Variants in PHF24 observed in about 807,000 individuals in gnomAD.
PHF24 encodes the protein Galpha inhibitory interacting protein.
In PHF24, 25 loss-of-function variants were observed where a neutral mutation model predicts 42.6. The observed-to-expected ratio is 0.59, with a 90% CI of 0.43 to 0.82. The LOEUF is 0.82. Ranked by LOEUF, PHF24 falls within the 40% of genes least tolerant of loss-of-function variation. PHF24 has a pLI of 0.00. For missense variants in PHF24, 470 were observed against 538.1 expected, an observed-to-expected ratio of 0.87 and a Z score of 1.25; for synonymous variants, 185 against 204.8, an observed-to-expected ratio of 0.90 and a Z score of 0.83.
the PHF24 span, among the ~76,000 whole-genome samples, chr9:34,884,803 G>A: frequency 9.4e-3 from 1,435 of 152,300 alleles, 16 homozygotes; most frequent in Non-Finnish European, 0.014. Flanking sequence ...AACAAAACAA[G>A]GTGATGCTTC....
chr9:34,835,233 G>T, the PHF24 span: 1 of 1,552,234 alleles, frequency 6.4e-7, no homozygotes, highest in African/African-American at 1.4e-5. Context: ...CAGGTCTGGA[G>T]GGAAATGGTC....
the PHF24 span, among the ~76,000 whole-genome samples, chr9:34,789,658 T>G: frequency 6.6e-6 from 1 of 152,230 alleles, no homozygotes; most frequent in Admixed American, 6.5e-5. Context: ...GACTCTGTTA[T>G]TGCATGCTGG....
chr9:34,837,161 T>G, the PHF24 span: 5 of 470,552 alleles, frequency 1.1e-5, no homozygotes, highest in Admixed American at 1.2e-4. Flanking sequence ...TAGTAGACAG[T>G]GGCATGGTAG....
At chr9:34,696,636 TG>T in the PHF24 span, among the ~76,000 whole-genome samples, 1 of 152,154 alleles carries the variant, frequency 6.6e-6, no homozygotes, top group Admixed American at 6.5e-5. Context: ...TGAGTGATGA[TG>T]CCCTTATCCT....
the PHF24 span, among the ~76,000 whole-genome samples, chr9:34,765,820 A>T: frequency 2.6e-5 from 4 of 151,948 alleles, no homozygotes; most frequent in African/African-American, 7.2e-5. Context: ...ATTTGGCATG[A>T]TTTTGCAGTG....
chr9:34,716,961 G>A, the PHF24 span, among the ~76,000 whole-genome samples: 9 of 152,234 alleles, frequency 5.9e-5, no homozygotes, highest in East Asian at 1.4e-3. Context: ...TCTGCATAAC[G>A]TGTGGTATTG....
At chr9:34,936,617 A>C in the PHF24 span, among the ~76,000 whole-genome samples, 7 of 146,676 alleles carry the variant, frequency 4.8e-5, no homozygotes, top group Non-Finnish European at 8.9e-5. Flanking sequence ...CCCATCTAGG[A>C]AGTGAGGAGC....
chr9:34,713,784 C>T, the PHF24 span, among the ~76,000 whole-genome samples: 6 of 152,242 alleles, frequency 3.9e-5, no homozygotes, highest in Admixed American at 2.0e-4. Context: ...GTAATCCTCA[C>T]GTCAGAGCTG....
chr9:34,827,127 A>G, the PHF24 span, among the ~76,000 whole-genome samples: 3 of 152,150 alleles, frequency 2.0e-5, no homozygotes, highest in Non-Finnish European at 4.4e-5. Flanking sequence ...GCAGGGAACC[A>G]TGGGAAGGAC....
At chr9:34,768,258 C>T in the PHF24 span, among the ~76,000 whole-genome samples, 1 of 152,206 alleles carries the variant, frequency 6.6e-6, no homozygotes, top group Admixed American at 6.5e-5. Flanking sequence ...CTATCCCATG[C>T]AAGCTGTTTA....
upstream of PHF24, among the ~76,000 whole-genome samples, chr9:34,955,897 G>T (rs1192257457): frequency 2.6e-5 from 4 of 152,192 alleles, no homozygotes; most frequent in African/African-American, 4.8e-5. Context: ...GAACAATAAC[G>T]TAGTAAAAGC....
the PHF24 span, chr9:34,709,636 T>G: frequency 1.2e-6 from 2 of 1,614,050 alleles, no homozygotes; most frequent in East Asian, 4.5e-5. Context: ...CAGAGCTCCT[T>G]TGGGTCTGCA....
the PHF24 span, among the ~76,000 whole-genome samples, chr9:34,804,979 G>A: frequency 3.2e-4 from 48 of 152,270 alleles, no homozygotes; most frequent in South Asian, 9.7e-3. Context: ...TATCTATTGT[G>A]ATTGGTTTCT....
At chr9:34,834,936 T>G in the PHF24 span, 1 of 1,433,710 alleles carries the variant, frequency 7.0e-7, no homozygotes. Context: ...TTTTCAATCT[T>G]GGGAAGGCCT....
chr9:34,963,304 T>C (rs1299836836), intron 1 of PHF24, among the ~76,000 whole-genome samples: 2 of 150,392 alleles, frequency 1.3e-5, no homozygotes, highest in Non-Finnish European at 3.0e-5. Context: ...TTGATGCTGA[T>C]GTTCACAGTA....
At chr9:34,823,769 C>A in the PHF24 span, among the ~76,000 whole-genome samples, 1 of 152,074 alleles carries the variant, frequency 6.6e-6, no homozygotes, top group Non-Finnish European at 1.5e-5. Context: ...TGTGGGCGAA[C>A]CTGGAAGCTT....
At chr9:34,943,392 GGAACAGGAAAAAATGACC>G in the PHF24 span, among the ~76,000 whole-genome samples, 4 of 152,270 alleles carry the variant, frequency 2.6e-5, no homozygotes, top group African/African-American at 9.6e-5. Context: ...AGTGCAGTCA[GGAACAGGAAAAAATGACC>G]ACTGGGTGCA....
At chr9:34,763,786 G>A in the PHF24 span, among the ~76,000 whole-genome samples, 3 of 152,170 alleles carry the variant, frequency 2.0e-5, no homozygotes, top group African/African-American at 4.8e-5. Context: ...AGTTTTCAAA[G>A]GGAGTGCTTC....
At chr9:34,752,122 T>C in the PHF24 span, among the ~76,000 whole-genome samples, 1 of 151,888 alleles carries the variant, frequency 6.6e-6, no homozygotes, top group Admixed American at 6.6e-5. Flanking sequence ...GATAACCTAA[T>C]GATGCATCTT....
Sources: gnomAD v4.1 joint callset for allele counts (sites outside exome capture counted in the v4.1 genomes callset) on GRCh38, gnomAD v4.1.1 for gene constraint, MANE v1.5 for transcripts, NCBI Gene and HGNC (gene_info 2026-07-23, HGNC 2026-07-21) for gene names.